Variants in ASTN2 observed in about 807,000 individuals in gnomAD.
The protein encoded by ASTN2 is astrotactin 2, also known as astrotactin-2.
A neutral mutation model predicts 139.8 loss-of-function variants in ASTN2; 54 were observed. The ratio of observed to expected loss-of-function variants is 0.39; its 90% confidence interval spans 0.31 to 0.48. The LOEUF (loss-of-function observed/expected upper bound fraction) is 0.48, where lower values mean the gene tolerates loss of function less well. Among genes scored for constraint, ASTN2 ranks in the 20% least tolerant of loss-of-function variants. The pLI is 0.95. For missense variants in ASTN2, 1,565 were observed against 1,725.1 expected (o/e 0.91, Z 1.64); for synonymous variants, 756 against 719.5 (o/e 1.05, Z -0.81).
At chr9:117,020,181 C>G (rs1224496547) in intron 6 of ASTN2, among the ~76,000 whole-genome samples, 1 of 151,856 alleles carries the variant, frequency 6.6e-6, no homozygotes, top group African/African-American at 2.4e-5. Context: ...ACCTATATTA[C>G]CTTTGTAATA....
In ASTN2 at chr9:117,257,798, A is replaced by G. The variant is rs115377292; in HGVS notation, c.630+33528T>C. 5.5e-3 allele frequency among the ~76,000 whole-genome samples: 835 copies of G among 152,340 alleles called. 14 individuals are homozygous for G. Among genetic ancestry groups the G allele is most frequent in the African/African-American group, 0.019 (787 of 41,584 alleles). On this transcript the variant is annotated intron_variant, in intron 2 of 22. Coordinates refer to ENST00000313400, the MANE Select transcript of ASTN2 (RefSeq NM_001365068.1). ...AGCATTCCAGGAGTGGACTAAATGTATAAAAGAAGAGCAAAGGAAATCGGA... is the reference window on the plus strand; with the variant it reads ...AGCATTCCAGGAGTGGACTAAATGTGTAAAAGAAGAGCAAAGGAAATCGGA...
intron 4 of ASTN2, among the ~76,000 whole-genome samples, chr9:117,139,383 T>G (rs1263546996): frequency 1.3e-5 from 2 of 152,176 alleles, no homozygotes; most frequent in East Asian, 3.9e-4. Flanking sequence ...ACTTCCAAAG[T>G]CATGCAAGTT....
rs117179116 is a variant in ASTN2, at chr9:116,928,348, C to A, written c.1889+46860G>T. ...ATTTAACCATTACAGTATAATATAT[C>A]TTTAAATAGAAATTCCAATTACATT... On this transcript the variant is annotated intron_variant, in intron 10 of 22. Coordinates refer to ENST00000313400, the MANE Select transcript of ASTN2 (RefSeq NM_001365068.1). Among the ~76,000 whole-genome samples the A allele has an allele frequency of 6.2e-4, 93 of 149,786 alleles. No homozygotes were observed. In the East Asian group the frequency reaches 0.018, roughly 29 times the overall value.
intron 1 of ASTN2, among the ~76,000 whole-genome samples, chr9:117,378,009 C>T (rs1475634219): frequency 6.6e-6 from 1 of 152,116 alleles, no homozygotes; most frequent in Non-Finnish European, 1.5e-5. Context: ...AAAGGGGATG[C>T]AGAATGGAAC....
intron 13 of ASTN2, among the ~76,000 whole-genome samples, chr9:116,733,948 G>A (rs970272907): frequency 2.6e-5 from 4 of 152,180 alleles, no homozygotes; most frequent in African/African-American, 9.7e-5. Flanking sequence ...GAACCAGGAT[G>A]TGAGAACTGA....
intron 20 of ASTN2, among the ~76,000 whole-genome samples, chr9:116,447,449 G>C (rs186628690): frequency 6.6e-6 from 1 of 152,088 alleles, no homozygotes; most frequent in East Asian, 1.9e-4. Context: ...AGCACACACA[G>C]GTCAGAATGA....
At chr9:116,793,102 T>C (rs941522392) in intron 13 of ASTN2, among the ~76,000 whole-genome samples, 2 of 151,312 alleles carry the variant, frequency 1.3e-5, no homozygotes, top group South Asian at 4.2e-4. Flanking sequence ...ATCTCAAAGT[T>C]GAAAAAAAAA....
chr9:117,015,072 G>A (rs1377142446), intron 6 of ASTN2, among the ~76,000 whole-genome samples: 1 of 152,074 alleles, frequency 6.6e-6, no homozygotes, highest in African/African-American at 2.4e-5. Flanking sequence ...AGAGTGCAGT[G>A]GTGCGATGAC....
chr9:116,976,284 C>T (rs1836339465), intron 8 of ASTN2, 96 bp from the exon 9 acceptor site: 1 of 933,120 alleles, frequency 1.1e-6, no homozygotes, highest in Non-Finnish European at 1.7e-6. Flanking sequence ...TACAAACAAC[C>T]AAACTCTGCA....
At chr9:117,292,221 T>A (rs1244312271) in intron 1 of ASTN2, among the ~76,000 whole-genome samples, 1 of 152,176 alleles carries the variant, frequency 6.6e-6, no homozygotes, top group Non-Finnish European at 1.5e-5. Context: ...TCTAGTAAAT[T>A]GTAAAATTCA....
At chr9:116,530,587 C>A (rs1455931612) in intron 19 of ASTN2, among the ~76,000 whole-genome samples, 1 of 151,810 alleles carries the variant, frequency 6.6e-6, no homozygotes, top group Non-Finnish European at 1.5e-5. Context: ...TGCTGTATAC[C>A]ATAAATATAT....
chr9:116,811,852 T>C (rs1831176128), intron 12 of ASTN2, among the ~76,000 whole-genome samples: 1 of 152,220 alleles, frequency 6.6e-6, no homozygotes, highest in Admixed American at 6.5e-5. Flanking sequence ...TTGGTTCTCA[T>C]ATCCTAGTTG....
In ASTN2 at chr9:117,351,280, G is replaced by A. The variant is rs371583398; in HGVS notation, c.443-59767C>T. Among the ~76,000 whole-genome samples, 166 of 152,126 alleles carry A rather than the reference G, an allele frequency of 1.1e-3. 2 individuals carry two copies. Among genetic ancestry groups the A allele is most frequent in the Non-Finnish European group, 1.0e-3 (71 of 68,026 alleles). ...AGTGTCTCCAGAGCAAAATTCAAAC[G>A]TCTAAGCATGGCGCTCAAGGTCTAT... On this transcript the variant is annotated intron_variant, in intron 1 of 22. Coordinates refer to ENST00000313400, the MANE Select transcript of ASTN2 (RefSeq NM_001365068.1).
intron 17 of ASTN2, among the ~76,000 whole-genome samples, chr9:116,636,294 G>T (rs559031675): frequency 6.6e-6 from 1 of 152,318 alleles, no homozygotes; most frequent in East Asian, 1.9e-4. Context: ...CAAGATACTT[G>T]ATTTCTATCC....
chr9:116,889,694 T>C (rs1161953169), intron 10 of ASTN2, among the ~76,000 whole-genome samples: 1 of 150,484 alleles, frequency 6.6e-6, no homozygotes, highest in Non-Finnish European at 1.5e-5. Flanking sequence ...AAGACCAGCC[T>C]GGGCAACATA....
intron 17 of ASTN2, among the ~76,000 whole-genome samples, chr9:116,632,205 A>AGAGAAAGAAAGAAAGAAAGAAAG (rs1554723308): frequency 2.2e-5 from 1 of 45,302 alleles, no homozygotes; most frequent in Non-Finnish European, 3.8e-5. Flanking sequence ...AGAAAGAAAG[A>AGAGAAAGAAAGAAAGAAAGAAAG]AAAGAAAGAA....
At chr9:116,645,274 T>A (rs941884354) in intron 17 of ASTN2, among the ~76,000 whole-genome samples, 1 of 152,186 alleles carries the variant, frequency 6.6e-6, no homozygotes, top group African/African-American at 2.4e-5. Flanking sequence ...TGAGCCAAGC[T>A]CTGTGGCTTT....
intron 20 of ASTN2, among the ~76,000 whole-genome samples, chr9:116,456,734 C>G (rs538949681): frequency 6.6e-6 from 1 of 152,230 alleles, no homozygotes; most frequent in South Asian, 2.1e-4. Flanking sequence ...AGAATTTCCC[C>G]CATGATTCAA....
chr9:117,014,240 C>T (rs1837613850), intron 6 of ASTN2, among the ~76,000 whole-genome samples: 1 of 152,128 alleles, frequency 6.6e-6, no homozygotes, highest in East Asian at 1.9e-4. Flanking sequence ...ACCCTTCTCC[C>T]AGGTCCACAG....
Sources: allele counts gnomAD v4.1 joint callset (sites outside exome capture counted in the v4.1 genomes callset), GRCh38; gene constraint gnomAD v4.1.1; transcripts MANE v1.5; gene names NCBI Gene and HGNC (gene_info 2026-07-23, HGNC 2026-07-21).